The following CTNNA1 variants were observed in gnomAD, a reference collection of about 807,000 sequenced individuals.
CTNNA1 encodes the protein catenin alpha 1.
Under a neutral mutation model 98.4 loss-of-function variants are expected in CTNNA1, and 37 were observed. That is an observed-to-expected ratio of 0.38 (90% CI 0.29 to 0.49). The LOEUF (loss-of-function observed/expected upper bound fraction) is 0.49. CTNNA1 is among the 20% of genes least tolerant of loss of function. The pLI, the probability that CTNNA1 is intolerant of heterozygous loss-of-function variation, is 0.95. For missense variants in CTNNA1, 761 were observed against 1,147.2 expected (o/e 0.66, Z 4.86); for synonymous variants, 404 against 413.2 (o/e 0.98, Z 0.27).
At chr5:138,827,384 A>G (rs1259832151) in intron 6 of CTNNA1, 131 bp from the exon 7 acceptor site, 5 of 1,006,448 alleles carry the variant, frequency 5.0e-6, no homozygotes, top group Non-Finnish European at 7.3e-6. Context: ...TTACCTGCTA[A>G]GAAGTATAAC....
chr5:138,763,234 G>A (rs569252836), intron 1 of CTNNA1, among the ~76,000 whole-genome samples: 1 of 152,258 alleles, frequency 6.6e-6, no homozygotes, highest in African/African-American at 2.4e-5. Flanking sequence ...TGAAAGTGCT[G>A]TTATAACTCA....
rs1419449621 is a variant in CTNNA1, at chr5:138,934,268, TTTAGAATGC to T, written c.*180_*188del. Reference sequence around the variant, plus strand: ...ATAGTTTAAGTTGATTAAAAATGCTTTTAGAATGCAGGAGCCTACTTCTAGCTGTATTTT... The same window carrying T: ...ATAGTTTAAGTTGATTAAAAATGCTTAGGAGCCTACTTCTAGCTGTATTTT... On this transcript the variant is annotated 3_prime_UTR_variant, in exon 18 of 18. Transcript: ENST00000302763. 1 of 572,914 alleles carries T rather than the reference TTTAGAATGC, an allele frequency of 1.7e-6. No homozygotes were observed. The highest frequency in any genetic ancestry group is 1.9e-5 in the African/African-American group (1 of 53,300). 35.5% of individuals were successfully genotyped at this position (572,914 alleles called of 1,614,324 possible).
Position 138,753,491 on chromosome 5 carries a change from G to C in CTNNA1, c.-22G>C, listed in dbSNP as rs1166016803. Reference sequence around the variant, plus strand: ...CTGCTTCGGGCCTCTGGAATTTAGCGCTCGCCCAGCTAGCCGCAGGTAACT... The same window carrying C: ...CTGCTTCGGGCCTCTGGAATTTAGCCCTCGCCCAGCTAGCCGCAGGTAACT... On this transcript the variant is annotated 5_prime_UTR_variant, in exon 1 of 18. Coordinates refer to ENST00000302763, the MANE Select transcript of CTNNA1 (RefSeq NM_001903.5). 5.3e-6 allele frequency: 2 copies of C among 379,012 alleles called. No individual in the cohort carries two copies. The highest frequency in any genetic ancestry group is 9.4e-6 in the Non-Finnish European group (2 of 213,292). The allele number at this position is 379,012 out of a possible 1,614,324, so 23.5% of individuals were successfully genotyped here.
intron 10 of CTNNA1, among the ~76,000 whole-genome samples, chr5:138,904,945 T>C (rs1758866715): frequency 6.8e-6 from 1 of 147,930 alleles, no homozygotes; most frequent in East Asian, 2.0e-4. Context: ...AAAAAAAAAA[T>C]TAGGTGGGTG....
chr5:138,924,018 C>A (rs994840273), intron 11 of CTNNA1, among the ~76,000 whole-genome samples: 1 of 152,348 alleles, frequency 6.6e-6, no homozygotes, highest in South Asian at 2.1e-4. Context: ...TGCTTTCCAG[C>A]ACCTTCTCCT....
intron 7 of CTNNA1, among the ~76,000 whole-genome samples, chr5:138,877,739 G>A (rs1274412873): frequency 3.3e-5 from 5 of 152,112 alleles, no homozygotes; most frequent in East Asian, 1.9e-4. Flanking sequence ...GAGCCACCGC[G>A]CCCGGCCAAA....
intron 7 of CTNNA1, among the ~76,000 whole-genome samples, chr5:138,830,497 G>C (rs2149792540): frequency 6.6e-6 from 1 of 152,330 alleles, no homozygotes; most frequent in Admixed American, 6.5e-5. Flanking sequence ...CAGTGAACAG[G>C]CTTGGTCCTG....
At chr5:138,868,737 T>G (rs1234269244) in intron 7 of CTNNA1, among the ~76,000 whole-genome samples, 1 of 152,160 alleles carries the variant, frequency 6.6e-6, no homozygotes, top group Non-Finnish European at 1.5e-5. Flanking sequence ...TTATCCTAGT[T>G]TTACCTCTCT....
intron 11 of CTNNA1, among the ~76,000 whole-genome samples, chr5:138,923,317 A>G (rs1763308796): frequency 6.6e-6 from 1 of 152,196 alleles, no homozygotes. Context: ...ATTGGTTTAA[A>G]TATCCCTCTT....
chr5:138,932,395 G>A (rs1032886572), intron 16 of CTNNA1, 183 bp from the exon 17 acceptor site: 4 of 1,415,824 alleles, frequency 2.8e-6, no homozygotes, highest in Admixed American at 2.9e-5. Flanking sequence ...CAGCTCACCC[G>A]CCTCCATCCC....
At chr5:138,866,618 T>C (rs983407996) in intron 7 of CTNNA1, among the ~76,000 whole-genome samples, 1 of 152,194 alleles carries the variant, frequency 6.6e-6, no homozygotes, top group Non-Finnish European at 1.5e-5. Flanking sequence ...CTTGGAGGCA[T>C]TGGGCAAGCC....
intron 9 of CTNNA1, among the ~76,000 whole-genome samples, chr5:138,903,159 G>A (rs964618729): frequency 3.9e-5 from 6 of 151,992 alleles, no homozygotes; most frequent in African/African-American, 1.5e-4. Context: ...TAAATTGCAC[G>A]TTAACTTCTT....
chr5:138,870,686 G>A (rs1309043064), intron 7 of CTNNA1: 1 of 152,162 alleles, frequency 6.6e-6, no homozygotes, highest in African/African-American at 2.4e-5. Flanking sequence ...TGTCCTTCAG[G>A]GCTGATGGAA....
chr5:138,815,584 A>G (rs192725595), intron 5 of CTNNA1, among the ~76,000 whole-genome samples: 96 of 152,176 alleles, frequency 6.3e-4, no homozygotes, highest in African/African-American at 2.3e-3. Flanking sequence ...CTTCATTCCT[A>G]AGTGTCCTAC....
intron 1 of CTNNA1, among the ~76,000 whole-genome samples, chr5:138,778,914 T>C (rs1256877429): frequency 6.6e-6 from 1 of 152,154 alleles, no homozygotes; most frequent in Non-Finnish European, 1.5e-5. Flanking sequence ...AATCTTGCTC[T>C]GTTGCCTAGG....
chr5:138,840,769 G>A (rs12656942), intron 7 of CTNNA1, among the ~76,000 whole-genome samples: 105,158 of 152,042 alleles, frequency 0.69, 36,510 homozygotes, highest in East Asian at 0.93. Context: ...GAGGATTTAA[G>A]GTAGTAAATA....
At chr5:138,820,040 C>T (rs1292402710) in intron 5 of CTNNA1, among the ~76,000 whole-genome samples, 2 of 130,632 alleles carry the variant, frequency 1.5e-5, no homozygotes, top group African/African-American at 5.6e-5. Flanking sequence ...CCCCGCCCTG[C>T]CCCCCACCGC....
At chr5:138,775,579 C>T (rs1004809444) in intron 1 of CTNNA1, among the ~76,000 whole-genome samples, 1 of 152,100 alleles carries the variant, frequency 6.6e-6, no homozygotes, top group Non-Finnish European at 1.5e-5. Flanking sequence ...AACATTGATA[C>T]AATGCTACTG....
chr5:138,885,946 A>G (rs1053674659), intron 7 of CTNNA1, among the ~76,000 whole-genome samples: 8 of 152,222 alleles, frequency 5.3e-5, no homozygotes, highest in Admixed American at 2.6e-4. Flanking sequence ...CCAAACTTTA[A>G]GCAAAGCTCT....
Sources: allele counts gnomAD v4.1 joint callset (sites outside exome capture counted in the v4.1 genomes callset), GRCh38; gene constraint gnomAD v4.1.1; transcripts MANE v1.5; gene names NCBI Gene and HGNC (gene_info 2026-07-23, HGNC 2026-07-21).